The following LMO3 variants were observed in gnomAD, a reference collection of about 807,000 sequenced individuals.
LMO3 encodes LIM domain only 3.
LMO3 carries 2 observed loss-of-function variants against 15.8 expected under a neutral mutation model. The observed-to-expected ratio is 0.13, with a 90% CI of 0.05 to 0.40. LMO3 has a LOEUF of 0.40. LMO3 is among the 10% of genes least tolerant of loss of function. The pLI is 0.99. For synonymous variants in LMO3, 62 were observed against 63.8 expected, an observed-to-expected ratio of 0.97 and a Z score of 0.13; for missense variants, 86 against 182.2, an observed-to-expected ratio of 0.47 and a Z score of 3.04.
chr12:16,553,563 A>G (rs936007098), intron 3 of LMO3, among the ~76,000 whole-genome samples: 1 of 152,178 alleles, frequency 6.6e-6, no homozygotes, highest in African/African-American at 2.4e-5. Context: ...AGTGCATTTT[A>G]TATGCATTTC....
In LMO3 at chr12:16,605,364, C is replaced by T. The variant is rs866514645; in HGVS notation, c.-9+702G>A. On this transcript the variant is annotated intron_variant, in intron 1 of 3. Transcript: ENST00000537304. ...AAATGTGCTGCATCAGTTTGAATCTCAATCTATTAGGATATAGGCACCTTG... is the reference window on the plus strand; with the variant it reads ...AAATGTGCTGCATCAGTTTGAATCTTAATCTATTAGGATATAGGCACCTTG... The T allele has an allele frequency of 4.3e-6, 5 of 1,166,996 alleles. No individual in the cohort carries two copies. In the African/African-American group the frequency reaches 4.7e-5, roughly 11 times the overall value. The allele number at this position is 1,166,996 out of a possible 1,614,324, so 72.3% of individuals were successfully genotyped here.
chr12:16,601,414 A>C (rs1433232920), intron 1 of LMO3, among the ~76,000 whole-genome samples: 1 of 152,206 alleles, frequency 6.6e-6, no homozygotes, highest in Non-Finnish European at 1.5e-5. Context: ...ACAGCTACCC[A>C]AAAAGCTCAC....
intron 2 of LMO3, among the ~76,000 whole-genome samples, chr12:16,567,224 AC>A (rs1193840450): frequency 6.6e-6 from 1 of 151,952 alleles, no homozygotes; most frequent in Non-Finnish European, 1.5e-5. Context: ...AAACAAACAA[AC>A]AAAAAACTAC....
intron 2 of LMO3, among the ~76,000 whole-genome samples, chr12:16,575,004 TA>T (rs1459457454): frequency 1.1e-4 from 16 of 152,134 alleles, no homozygotes; most frequent in African/African-American, 3.6e-4. Context: ...TATGACAAAC[TA>T]GTAACAAAAA....
chr12:16,558,010 G>A (rs2137308052), intron 3 of LMO3, among the ~76,000 whole-genome samples: 1 of 152,128 alleles, frequency 6.6e-6, no homozygotes, highest in Non-Finnish European at 1.5e-5. Context: ...TCTGATGATA[G>A]AAGACATATG....
In LMO3 at chr12:16,597,323, C is replaced by T. The variant is rs1262327097; in HGVS notation, c.206+3332G>A. The stretch of plus-strand genomic sequence containing the variant: ...ATCAAATTTTCCATAATAATAGTTT[C>T]TATAACCCTTAAGAAAATATCTTAC... On this transcript the variant is annotated intron_variant, in intron 2 of 3. Transcript: ENST00000537304. This position sits in a 1 kb window ranked among gnomAD's most constrained non-coding sequence, Gnocchi z 5.0. Among the ~76,000 whole-genome samples, 1 of 151,682 alleles carries T rather than the reference C, an allele frequency of 6.6e-6. No individual in the cohort carries two copies. Among genetic ancestry groups the T allele is most frequent in the Non-Finnish European group, 1.5e-5 (1 of 67,724 alleles).
At chr12:16,605,673 T>C in intron 1 of LMO3, 1 of 1,264,140 alleles carries the variant, frequency 7.9e-7, no homozygotes, top group South Asian at 1.3e-5. Flanking sequence ...ACTTCCTAAT[T>C]CCAAACTCTC....
chr12:16,554,289 A>G (rs1279436647), intron 3 of LMO3, among the ~76,000 whole-genome samples: 1 of 152,202 alleles, frequency 6.6e-6, no homozygotes, highest in Non-Finnish European at 1.5e-5. Context: ...AGAAATAAAA[A>G]TGTTAGCCTA....
At chr12:16,557,224 C>CTACT in intron 3 of LMO3, among the ~76,000 whole-genome samples, 1 of 151,906 alleles carries the variant, frequency 6.6e-6, no homozygotes. Context: ...ATAGGTAACC[C>CTACT]TACTTAATAG....
upstream of LMO3, chr12:16,608,485 C>T (rs1944071026): frequency 6.6e-6 from 1 of 152,102 alleles, no homozygotes; most frequent in Non-Finnish European, 1.5e-5. This position sits in a 1 kb window ranked among gnomAD's most constrained non-coding sequence, Gnocchi z 4.1. Flanking sequence ...TGACATCATT[C>T]GCGGTAATTA....
rs560884140 is a variant in LMO3, at chr12:16,592,275, C to T, written c.206+8380G>A. ...TCATAAACACAAACCCCAATCCTGC[C>T]TCTCAGCAAGGGTTGCACCGTGAAA... On this transcript the variant is annotated intron_variant, in intron 2 of 3. Transcript: ENST00000537304. 5.5e-4 allele frequency among the ~76,000 whole-genome samples: 84 copies of T among 152,092 alleles called. 1 individual carries two copies. Among genetic ancestry groups the T allele is most frequent in the African/African-American group, 2.0e-3 (81 of 41,526 alleles).
chr12:16,549,097 C>A lies in LMO3; in HGVS notation c.*2125G>T, dbSNP rs1384900995. On this transcript the variant is annotated 3_prime_UTR_variant, in exon 4 of 4. Coordinates refer to ENST00000537304, the MANE Select transcript of LMO3 (RefSeq NM_018640.5). ...TAAGATCCTGACAATTATAATTTTA[C>A]ATCCATGTGAATTTCAAGCAATTGT... The A allele has an allele frequency of 6.6e-6, 1 of 152,058 alleles. No homozygotes were observed. The highest frequency in any genetic ancestry group is 2.4e-5 in the African/African-American group (1 of 41,408). 9.4% of individuals were successfully genotyped at this position (152,058 alleles called of 1,614,324 possible).
At chr12:16,605,962 G>A (rs964970268) in intron 1 of LMO3, 104 bp downstream of exon 1, 2 of 764,136 alleles carry the variant, frequency 2.6e-6, no homozygotes, top group Admixed American at 2.7e-5. Flanking sequence ...ATTAGCAGAG[G>A]TTGGGGAAGA....
At chr12:16,578,419 A>G (rs1943059454) in intron 2 of LMO3, among the ~76,000 whole-genome samples, 1 of 152,220 alleles carries the variant, frequency 6.6e-6, no homozygotes, top group Admixed American at 6.5e-5. Flanking sequence ...GGATGGAGGA[A>G]CAGGGAAGAG....
At position 16,555,696 on chromosome 12, in the gene LMO3, C is replaced by T. The variant is rs1053837110; in HGVS notation, c.333-4369G>A. ...CTACTCCTCCATGTGCCTACCAAACCGCTTCTCTAATCTCTGAACATACTG... is the reference window on the plus strand; with the variant it reads ...CTACTCCTCCATGTGCCTACCAAACTGCTTCTCTAATCTCTGAACATACTG... On this transcript the variant is annotated intron_variant, in intron 3 of 3. Coordinates refer to ENST00000537304, the MANE Select transcript of LMO3 (RefSeq NM_018640.5). This position sits in a 1 kb window ranked among gnomAD's most constrained non-coding sequence, Gnocchi z 5.5. Among the ~76,000 whole-genome samples, 4 of 152,086 alleles carry T rather than the reference C, an allele frequency of 2.6e-5. No individual in the cohort carries two copies. Among genetic ancestry groups the T allele is most frequent in the Admixed American group, 1.3e-4 (2 of 15,264 alleles).
intron 2 of LMO3, among the ~76,000 whole-genome samples, chr12:16,588,946 TG>T (rs546508150): frequency 1.3e-4 from 20 of 152,216 alleles, no homozygotes; most frequent in African/African-American, 3.9e-4. Context: ...CTTTCCCTAC[TG>T]TGGTCCACTG....
chr12:16,571,273 G>C (rs374069557), intron 2 of LMO3, among the ~76,000 whole-genome samples: 3 of 152,094 alleles, frequency 2.0e-5, no homozygotes, highest in Non-Finnish European at 2.9e-5. Flanking sequence ...CGTTACAAAG[G>C]CATCAGTATT....
At chr12:16,554,795 T>G (rs775213865) in intron 3 of LMO3, among the ~76,000 whole-genome samples, 1 of 152,190 alleles carries the variant, frequency 6.6e-6, no homozygotes, top group Non-Finnish European at 1.5e-5. Flanking sequence ...TAGCTCTGAC[T>G]ACAGGCGCCC....
intron 2 of LMO3, among the ~76,000 whole-genome samples, chr12:16,564,004 C>T (rs1040095339): frequency 2.6e-5 from 4 of 152,080 alleles, no homozygotes; most frequent in African/African-American, 7.2e-5. Context: ...TGACACACTT[C>T]CAAAAGTAGG....
Sources: gnomAD v4.1 joint callset for allele counts (sites outside exome capture counted in the v4.1 genomes callset) on GRCh38, gnomAD v4.1.1 for gene constraint, Gnocchi (gnomAD v3.1) non-coding constraint, MANE v1.5 for transcripts, NCBI Gene and HGNC (gene_info 2026-07-23, HGNC 2026-07-21) for gene names.